Variants in CNGB3 observed in about 807,000 individuals in gnomAD.
The protein encoded by CNGB3 is cyclic nucleotide gated channel subunit beta 3.
A neutral mutation model predicts 92.8 loss-of-function variants in CNGB3; 86 were observed. The observed-to-expected ratio is 0.93, with a 90% confidence interval of 0.78 to 1.11. The LOEUF is 1.11. CNGB3 is among the 50% of genes least tolerant of loss of function. The pLI is 0.00. For synonymous variants in CNGB3, 333 were observed against 332.7 expected (o/e 1.00, Z -0.01); for missense variants, 1,026 against 956.8 (o/e 1.07, Z -0.95).
chr8:86,689,217 T>A (rs1224211026), intron 3 of CNGB3, among the ~76,000 whole-genome samples: 3 of 151,872 alleles, frequency 2.0e-5, no homozygotes, highest in Admixed American at 2.0e-4. Flanking sequence ...CCCTTGAGAA[T>A]GATCCATTTG....
intron 15 of CNGB3, among the ~76,000 whole-genome samples, chr8:86,596,625 A>C (rs1195470383): frequency 1.3e-5 from 2 of 152,188 alleles, no homozygotes; most frequent in Non-Finnish European, 2.9e-5. Context: ...AGGGCTGGGG[A>C]TAGAGTATAG....
chr8:86,677,109 C>T (rs1284307447), intron 3 of CNGB3, among the ~76,000 whole-genome samples: 2 of 152,104 alleles, frequency 1.3e-5, no homozygotes, highest in East Asian at 3.8e-4. Context: ...TTGGTGATCA[C>T]CAAAAGCTGG....
intron 13 of CNGB3, among the ~76,000 whole-genome samples, chr8:86,613,105 C>G (rs1235126092): frequency 6.6e-6 from 1 of 152,080 alleles, no homozygotes; most frequent in Non-Finnish European, 1.5e-5. Flanking sequence ...AAATTTGAAT[C>G]ATTTGAGGAT....
At chr8:86,577,645 T>A (rs1288117167) in intron 17 of CNGB3, among the ~76,000 whole-genome samples, 3 of 152,214 alleles carry the variant, frequency 2.0e-5, no homozygotes, top group African/African-American at 7.2e-5. Context: ...CTATTTAATT[T>A]GATCAATTGA....
chr8:86,591,942 G>A (rs1228934321), intron 15 of CNGB3, among the ~76,000 whole-genome samples: 28 of 152,154 alleles, frequency 1.8e-4, no homozygotes, highest in African/African-American at 5.8e-4. Flanking sequence ...CCCCAGCCTC[G>A]CTGCCACCTT....
rs76032535 is a variant in CNGB3 at position 86,623,220 on chromosome 8, C to T, written c.1578+2763G>A. ...GGATTGCTCCAGCTTGGACGTCTCC[C>T]CCGAACTCAGATTTATAAACCAAAC... On this transcript the variant is annotated intron_variant, in intron 13 of 17. Transcript: ENST00000320005. Among the ~76,000 whole-genome samples the T allele has an allele frequency of 1.8e-4, 27 of 152,230 alleles. No homozygotes were observed. The East Asian group carries it at 4.6e-3, about 26-fold the overall frequency.
Position 86,581,742 on chromosome 8 carries a change from C to A in CNGB3, c.1782-2490G>T, listed in dbSNP as rs538011389. Among the ~76,000 whole-genome samples the A allele has an allele frequency of 3.5e-4, 53 of 152,220 alleles. 1 individual carries two copies. The highest frequency in any genetic ancestry group is 8.5e-4 in the Admixed American group (13 of 15,282). On this transcript the variant is annotated intron_variant, in intron 15 of 17. Coordinates refer to ENST00000320005, the MANE Select transcript of CNGB3 (RefSeq NM_019098.5). ...TCCCCTTCTCCATACCTTACCCCCC[C>A]ACCAAGTCTCCTATATAATACTAAC...
chr8:86,717,961 C>T (rs1223952757), intron 3 of CNGB3, among the ~76,000 whole-genome samples: 2 of 152,068 alleles, frequency 1.3e-5, no homozygotes, highest in Non-Finnish European at 2.9e-5. Flanking sequence ...ATTCTTTGAA[C>T]TGAACAATAA....
chr8:86,730,392 A>G (rs1349548570), intron 2 of CNGB3, among the ~76,000 whole-genome samples: 1 of 152,226 alleles, frequency 6.6e-6, no homozygotes, highest in Non-Finnish European at 1.5e-5. Context: ...GAAAAGCACA[A>G]GACTTGACAA....
chr8:86,581,046 T>TA (rs35623590), intron 15 of CNGB3, among the ~76,000 whole-genome samples: 87,754 of 151,994 alleles, frequency 0.58, 26,983 homozygotes, highest in Admixed American at 0.68. Flanking sequence ...TGTTAATTGT[T>TA]AAAAAACTTA....
intron 13 of CNGB3, among the ~76,000 whole-genome samples, chr8:86,618,151 C>A (rs1223928285): frequency 6.6e-6 from 1 of 152,170 alleles, no homozygotes; most frequent in East Asian, 1.9e-4. Flanking sequence ...GCTGATCTGA[C>A]AGGAGGCGGA....
intron 3 of CNGB3, among the ~76,000 whole-genome samples, chr8:86,715,369 G>A (rs1362826562): frequency 1.3e-5 from 2 of 152,088 alleles, no homozygotes; most frequent in East Asian, 3.9e-4. Flanking sequence ...CACATCACAG[G>A]ACTCTTTTCA....
At chr8:86,647,978 A>G in intron 7 of CNGB3, 91 bp from the exon 8 acceptor site, 1 of 821,986 alleles carries the variant, frequency 1.2e-6, no homozygotes, top group Non-Finnish European at 2.2e-6. Context: ...AAGTTGACCA[A>G]TCACAATATA....
rs769226980 is a variant in CNGB3 at position 86,611,652 on chromosome 8, A to G, written c.1598T>C (p.Ile533Thr). 12 of 1,612,874 alleles carry G rather than the reference A, an allele frequency of 7.4e-6. No homozygotes were observed. Among genetic ancestry groups the G allele is most frequent in the Non-Finnish European group, 9.3e-6 (11 of 1,179,116 alleles). Residue 533 changes from isoleucine to threonine, a missense_variant, in exon 14 of 18, where the codon ATT (isoleucine) becomes ACT (threonine). Ile to Thr is a moderately conservative substitution (Grantham distance 89). Coordinates refer to ENST00000320005, the MANE Select transcript of CNGB3 (RefSeq NM_019098.5). ...DLFKGCDTQM[I>T]YDMLLRLKSV... ...TTTCAATCTTAGCAACATGTCATAA[A>G]TCATCTGTGTATCACAACCCTATAT...
chr8:86,728,668 G>A (rs1014115555), intron 2 of CNGB3, among the ~76,000 whole-genome samples: 1 of 152,124 alleles, frequency 6.6e-6, no homozygotes, highest in Admixed American at 6.5e-5. Flanking sequence ...CCTTGAAGCC[G>A]TATGTTGTAT....
chr8:86,647,660 CA>C, intron 8 of CNGB3, 140 bp downstream of exon 8: 2 of 604,186 alleles, frequency 3.3e-6, no homozygotes, highest in South Asian at 4.0e-5. Context: ...TTGATGAGGG[CA>C]GAAAGATGGA....
At chr8:86,643,694 A>G in intron 10 of CNGB3, 57 bp downstream of exon 10, 2 of 1,570,898 alleles carry the variant, frequency 1.3e-6, no homozygotes, top group South Asian at 2.2e-5. Flanking sequence ...AAATTCATAC[A>G]ATGAAACAGA....
rs937844558 is a variant in CNGB3, at chr8:86,575,553, T to G, written c.*251A>C. On this transcript the variant is annotated 3_prime_UTR_variant, in exon 18 of 18. Coordinates refer to ENST00000320005, the MANE Select transcript of CNGB3 (RefSeq NM_019098.5). ...AGAACCAAAGGAAAAGGAAACTTACTACATACAATTAGAAGATATAGCAAT... is the reference window on the plus strand; with the variant it reads ...AGAACCAAAGGAAAAGGAAACTTACGACATACAATTAGAAGATATAGCAAT... 2.6e-6 allele frequency: 1 copy of G among 390,550 alleles called. No individual in the cohort carries two copies. The highest frequency in any genetic ancestry group is 4.5e-6 in the Non-Finnish European group (1 of 220,142). 24.2% of individuals were successfully genotyped at this position (390,550 alleles called of 1,614,324 possible).
intron 3 of CNGB3, among the ~76,000 whole-genome samples, chr8:86,694,744 C>A (rs559559915): frequency 6.6e-6 from 1 of 151,534 alleles, no homozygotes; most frequent in Non-Finnish European, 1.5e-5. Flanking sequence ...GATGGGATGG[C>A]GGCGGGGAAG....
Sources: allele counts gnomAD v4.1 joint callset (sites outside exome capture counted in the v4.1 genomes callset), GRCh38; gene constraint gnomAD v4.1.1; transcripts MANE v1.5; gene names NCBI Gene and HGNC (gene_info 2026-07-23, HGNC 2026-07-21).